Variants in NOL11 observed in about 807,000 individuals in gnomAD.
The protein encoded by NOL11 is nucleolar protein 11.
In NOL11, 42 loss-of-function variants were observed where a neutral mutation model predicts 93.0. The ratio of observed to expected loss-of-function variants is 0.45; its 90% CI spans 0.35 to 0.58. NOL11 has a LOEUF of 0.58. Ranked by LOEUF, NOL11 falls within the 20% of genes least tolerant of loss-of-function variation. NOL11 has a pLI of 0.00. For missense variants in NOL11, 775 were observed against 841.8 expected, an observed-to-expected ratio of 0.92 and a Z score of 0.98; for synonymous variants, 296 against 293.7, an observed-to-expected ratio of 1.01 and a Z score of -0.08.
At chr17:67,736,089 A>G (rs1406624747) in intron 9 of NOL11, 66 bp downstream of exon 9, 6 of 1,365,564 alleles carry the variant, frequency 4.4e-6, no homozygotes, top group Non-Finnish European at 6.0e-6. Context: ...TTTCGTACAG[A>G]TTCCCACAGC....
chr17:67,737,180 C>A, intron 11 of NOL11, 35 bp downstream of exon 11: 1 of 1,297,584 alleles, frequency 7.7e-7, no homozygotes, highest in Non-Finnish European at 1.1e-6. Flanking sequence ...AAAAATCAAA[C>A]TCAAGTGTTC....
chr17:67,737,050 A>T (rs760043873), intron 10 of NOL11, 21 bp from the exon 11 acceptor site: 4 of 1,492,150 alleles, frequency 2.7e-6, no homozygotes, highest in Non-Finnish European at 3.7e-6. Context: ...TTGTGATCCT[A>T]ATCAATTTAC....
At chr17:67,734,211 C>T (rs2055180203) in intron 7 of NOL11, 152 bp from the exon 8 acceptor site, 4 of 586,258 alleles carry the variant, frequency 6.8e-6, no homozygotes, top group South Asian at 6.5e-5. Flanking sequence ...CATGAGCTCT[C>T]ATTTCTTCCA....
rs764262249 is a variant in NOL11, at chr17:67,737,633, A to G, written c.1344A>G (p.Pro448=). The stretch of plus-strand genomic sequence containing the variant: ...TTCTGGAAAGGTGTAAAGCAGAACC[A>G]TCATTTTATCCCCGGAACTGTCTGA... ...TGLLERCKAE[P]SFYPRNCLMQ... Residue 448 remains proline, a synonymous_variant, in exon 12 of 18, where the codon CCA becomes CCG. Coordinates refer to ENST00000253247, the MANE Select transcript of NOL11 (RefSeq NM_015462.5). 8 of 1,614,156 alleles carry G rather than the reference A, an allele frequency of 5.0e-6. No individual in the cohort carries two copies. Among genetic ancestry groups the G allele is most frequent in the Non-Finnish European group, 6.8e-6 (8 of 1,180,016 alleles).
chr17:67,726,916 C>T lies in NOL11; in HGVS notation c.853+268C>T, dbSNP rs1385463665. On this transcript the variant is annotated intron_variant, in intron 7 of 17. Coordinates refer to ENST00000253247, the MANE Select transcript of NOL11 (RefSeq NM_015462.5). The stretch of plus-strand genomic sequence containing the variant: ...TAAAAATGGCGAATATACTAGTCAC[C>T]ATCATACTAGCCTGCAGGTATTTGA... 3 of 267,550 alleles carry T rather than the reference C, an allele frequency of 1.1e-5. No homozygotes were observed. The East Asian group carries it at 2.3e-4, about 20-fold the overall frequency. The allele number at this position is 267,550 out of a possible 1,614,324, so 16.6% of individuals were successfully genotyped here. A position where few individuals can be genotyped will look rare whatever the true frequency, so the allele number is the denominator to read the frequency against.
intron 8 of NOL11, among the ~76,000 whole-genome samples, chr17:67,735,010 A>G (rs551365369): frequency 6.6e-6 from 1 of 152,282 alleles, no homozygotes; most frequent in South Asian, 2.1e-4. Flanking sequence ...TTACTTATGT[A>G]TTTTGAACTA....
At position 67,737,123 on chromosome 17, in the gene NOL11, A is replaced by G. The variant is rs757229180; in HGVS notation, c.1196A>G (p.Lys399Arg). 1.2e-6 allele frequency: 2 copies of G among 1,610,376 alleles called. No homozygotes were observed. Among genetic ancestry groups the G allele is most frequent in the African/African-American group, 2.7e-5 (2 of 74,984 alleles). ...VSLQPEVPPS[K>R]QLLSTIMKDS... ...TTACAGCCAGAGGTTCCACCATCCA[A>G]ACAACTTTTGTCAACCATAATGGTA... The change falls in exon 11 of 18, where the codon AAA becomes AGA. Residue 399 changes from lysine to arginine, a missense_variant. Around this residue, in one of 2 missense-constraint regions of NOL11, gnomAD observed 416 missense variants for 525.2 expected, o/e 0.79. Transcript: ENST00000253247.
In NOL11 at chr17:67,722,631, T is replaced by G. The variant is rs1351774691; in HGVS notation, c.513T>G (p.Thr171=). Residue 171 remains threonine (T), a synonymous_variant, in exon 5 of 18, where the codon ACT becomes ACG. Coordinates refer to ENST00000253247, the MANE Select transcript of NOL11 (RefSeq NM_015462.5). ...GACATCCTGTTTTAATTTTTATTAC[T>G]GAAAAAGTAAGTGATATCTTCAATT... The part of the protein sequence containing the change: ...VFRHPVLIFI[T]EKHGNYFAYV... 6.4e-7 allele frequency: 1 copy of G among 1,569,298 alleles called. No individual in the cohort carries two copies. The highest frequency in any genetic ancestry group is 8.6e-7 in the Non-Finnish European group (1 of 1,166,828).
At chr17:67,718,991 C>A (rs1294325111) in intron 1 of NOL11, 1 of 152,230 alleles carries the variant, frequency 6.6e-6, no homozygotes, top group African/African-American at 2.4e-5. Flanking sequence ...AGAGGCATAA[C>A]TTCCCATGCA....
At position 67,743,729 on chromosome 17, in the gene NOL11, ACT is replaced by A. The variant is rs768914299; in HGVS notation, c.2044-11_2044-10del. ...ACATTATGGTAAAAGTTACTCTGAA[ACT>A]CTTTTCTTTAGATATCTGTTTATTC... On this transcript the variant is annotated splice_polypyrimidine_tract_variant and intron_variant, in intron 17 of 17. Coordinates refer to ENST00000253247, the MANE Select transcript of NOL11 (RefSeq NM_015462.5). The A allele has an allele frequency of 9.9e-6, 14 of 1,412,814 alleles. No individual in the cohort carries two copies. Among genetic ancestry groups the A allele is most frequent in the Non-Finnish European group, 1.3e-5 (14 of 1,039,416 alleles). 87.5% of individuals were successfully genotyped at this position (1,412,814 alleles called of 1,614,324 possible).
intron 6 of NOL11, among the ~76,000 whole-genome samples, chr17:67,724,577 C>T (rs2055069882): frequency 6.6e-6 from 1 of 152,108 alleles, no homozygotes; most frequent in Non-Finnish European, 1.5e-5. Context: ...GGTAATCCAC[C>T]CGCCTTGGCC....
At chr17:67,734,002 A>G (rs1214559098) in intron 7 of NOL11, among the ~76,000 whole-genome samples, 2 of 152,212 alleles carry the variant, frequency 1.3e-5, no homozygotes, top group South Asian at 2.1e-4. Flanking sequence ...CCAAAAGCCC[A>G]AATGAGTTTA....
chr17:67,739,096 AG>A, intron 15 of NOL11, 86 bp downstream of exon 15: 1 of 981,910 alleles, frequency 1.0e-6, no homozygotes, highest in South Asian at 1.5e-5. Flanking sequence ...GGCATTCTAA[AG>A]GTTATGAAAT....
intron 6 of NOL11, 59 bp downstream of exon 6, chr17:67,724,252 T>C (rs1423585327): frequency 1.9e-6 from 2 of 1,025,822 alleles, no homozygotes; most frequent in Admixed American, 2.7e-5. Context: ...TATAGGATAG[T>C]GTATGTTTTT....
At chr17:67,718,124 T>C (rs185670801) in intron 1 of NOL11, 36 bp downstream of exon 1, 19 of 1,596,124 alleles carry the variant, frequency 1.2e-5, no homozygotes, top group Non-Finnish European at 1.6e-5. Flanking sequence ...CCCGACTGCC[T>C]TCTCGCCCCT....
Position 67,743,551 on chromosome 17 carries a change from C to A in NOL11, c.2008C>A (p.Leu670Ile). Residue 670 changes from leucine to isoleucine, a missense_variant, in exon 17 of 18, where the codon CTA becomes ATA. Around this residue, in one of 2 missense-constraint regions of NOL11, gnomAD observed 416 missense variants for 525.2 expected, o/e 0.79. Transcript: ENST00000253247. ...TGTAATGATGCCAGAAGCAAAGAGG[C>A]TACTGATAAATCTTTACAAGCTTGT... ...VVVMMPEAKR[L>I]LINLYKLVKS... The A allele has an allele frequency of 6.2e-7, 1 of 1,606,198 alleles. No individual in the cohort carries two copies. Among genetic ancestry groups the A allele is most frequent in the Non-Finnish European group, 8.5e-7 (1 of 1,174,502 alleles).
intron 7 of NOL11, among the ~76,000 whole-genome samples, chr17:67,728,501 CCACTT>C (rs1263858963): frequency 6.6e-6 from 1 of 152,128 alleles, no homozygotes; most frequent in African/African-American, 2.4e-5. Flanking sequence ...TGGCTCTTGA[CCACTT>C]CACTAAGCTG....
chr17:67,738,109 A>G lies in NOL11; in HGVS notation c.1530-13A>G, dbSNP rs2143134893. The G allele has an allele frequency of 6.3e-7, 1 of 1,588,898 alleles. No individual in the cohort carries two copies. Among genetic ancestry groups the G allele is most frequent in the Non-Finnish European group, 8.6e-7 (1 of 1,161,932 alleles). ...GATAAGGATTAACCTCTTGCTTTCA[A>G]CTACCATCATAGCATTGGTGATGAC... On this transcript the variant is annotated splice_polypyrimidine_tract_variant and intron_variant, in intron 13 of 17. Coordinates refer to ENST00000253247, the MANE Select transcript of NOL11 (RefSeq NM_015462.5).
Position 67,731,826 on chromosome 17 carries a change from A to G in NOL11, c.854-2537A>G, listed in dbSNP as rs78970582. On this transcript the variant is annotated intron_variant, in intron 7 of 17. Coordinates refer to ENST00000253247, the MANE Select transcript of NOL11 (RefSeq NM_015462.5). ...ATCAGTTGGCCCTAGATGACTCTCA[A>G]TCTATTACACTGGGCCAGTACCACA... Among the ~76,000 whole-genome samples the G allele has an allele frequency of 1.9e-3, 286 of 152,314 alleles. 2 individuals are homozygous for G. In the East Asian group the frequency reaches 0.022, roughly 12 times the overall value.
Sources: gnomAD v4.1 joint callset for allele counts (sites outside exome capture counted in the v4.1 genomes callset) on GRCh38, gnomAD v4.1.1 for gene constraint, gnomAD v4.1.1 regional missense constraint, MANE v1.5 for transcripts, NCBI Gene and HGNC (gene_info 2026-07-23, HGNC 2026-07-21) for gene names.